NTM: variants seen among roughly 807,000 people sequenced by gnomAD.
NTM encodes IgLON family member 2.
NTM carries 13 observed loss-of-function variants against 42.1 expected under a neutral mutation model. That is an observed-to-expected ratio of 0.31 (90% CI 0.20 to 0.49). NTM has a LOEUF of 0.49. NTM is among the 20% of genes least tolerant of loss of function. NTM has a pLI of 0.99. For synonymous variants in NTM, 187 were observed against 179.2 expected, an observed-to-expected ratio of 1.04 and a Z score of -0.35; for missense variants, 373 against 452.8, an observed-to-expected ratio of 0.82 and a Z score of 1.60.
At chr11:132,016,162 T>G (rs934500481) in intron 2 of NTM, among the ~76,000 whole-genome samples, 1 of 151,868 alleles carries the variant, frequency 6.6e-6, no homozygotes, top group Non-Finnish European at 1.5e-5. Context: ...ATTATTGAAA[T>G]GATCATATGG....
intron 1 of NTM, among the ~76,000 whole-genome samples, chr11:131,665,351 T>C (rs1025941614): frequency 6.6e-6 from 1 of 152,232 alleles, no homozygotes; most frequent in Non-Finnish European, 1.5e-5. Flanking sequence ...GCTTTGTCCA[T>C]ACTGTTTGGT....
chr11:132,135,660 GC>G (rs2067756141), intron 2 of NTM, among the ~76,000 whole-genome samples: 1 of 152,182 alleles, frequency 6.6e-6, no homozygotes, highest in African/African-American at 2.4e-5. Context: ...GGCACTTGTG[GC>G]TGTCTGTGGA....
At chr11:131,866,295 A>AAAAG (rs1288796949) in intron 1 of NTM, among the ~76,000 whole-genome samples, 1 of 87,100 alleles carries the variant, frequency 1.1e-5, no homozygotes, top group African/African-American at 4.8e-5. Context: ...ATAAATAAAA[A>AAAAG]ACAAAGCAAA....
At position 131,944,229 on chromosome 11, in the gene NTM, C is replaced by T. The variant is rs192458658; in HGVS notation, c.167+32581C>T. On this transcript the variant is annotated intron_variant, in intron 2 of 8. Coordinates refer to ENST00000683400, the MANE Select transcript of NTM (RefSeq NM_001352005.2). The stretch of plus-strand genomic sequence containing the variant: ...GAAATACTAGGTACAGAGTAAAATT[C>T]TCCATTTGTTAAAATCAGACACTGA... 6.6e-5 allele frequency among the ~76,000 whole-genome samples: 10 copies of T among 152,320 alleles called. 1 individual carries two copies. In the East Asian group the frequency reaches 1.7e-3, roughly 26 times the overall value.
intron 1 of NTM, among the ~76,000 whole-genome samples, chr11:131,497,042 G>C (rs1445752139): frequency 6.6e-6 from 1 of 152,150 alleles, no homozygotes; most frequent in East Asian, 1.9e-4. Context: ...TTGCTTCACA[G>C]TGAGGCTGTT....
chr11:132,000,193 T>G (rs1324301085), intron 2 of NTM, among the ~76,000 whole-genome samples: 2 of 152,146 alleles, frequency 1.3e-5, no homozygotes, highest in Admixed American at 1.3e-4. Flanking sequence ...GCCTTTCCCA[T>G]TGTCTTTCTC....
chr11:131,664,178 G>A (rs1007712420), intron 1 of NTM, among the ~76,000 whole-genome samples: 1 of 152,210 alleles, frequency 6.6e-6, no homozygotes, highest in African/African-American at 2.4e-5. Context: ...CCAGTTTGAG[G>A]CCTGCATCTG....
intron 1 of NTM, among the ~76,000 whole-genome samples, chr11:131,485,830 A>T (rs1283993684): frequency 6.6e-6 from 1 of 152,132 alleles, no homozygotes; most frequent in Non-Finnish European, 1.5e-5. Flanking sequence ...CCAGTGTTGA[A>T]TGCAGCCTCA....
chr11:132,030,400 G>A (rs555643108), intron 2 of NTM, among the ~76,000 whole-genome samples: 100 of 152,300 alleles, frequency 6.6e-4, no homozygotes, highest in African/African-American at 2.2e-3. Context: ...TAGGGAGAAT[G>A]GAGCCTATTA....
chr11:131,866,845 ATC>A (rs1429223117), intron 1 of NTM, among the ~76,000 whole-genome samples: 1 of 152,232 alleles, frequency 6.6e-6, no homozygotes, highest in Non-Finnish European at 1.5e-5. Flanking sequence ...TAAAAATAAA[ATC>A]TGTTTGAACC....
In NTM at chr11:131,397,787, C is replaced by T. The variant is rs565062688; in HGVS notation, c.82+26899C>T. Among the ~76,000 whole-genome samples, 27 of 152,246 alleles carry T rather than the reference C, an allele frequency of 1.8e-4. 1 individual carries two copies. The South Asian group carries it at 3.3e-3, about 19-fold the overall frequency. ...TGCCTTCTCTTTTCCAGTCTTTGTA[C>T]GTGTCCCCAGTTCTTACAGGGACAG... On this transcript the variant is annotated intron_variant, in intron 1 of 8. Transcript: ENST00000683400.
At chr11:131,779,407 C>A (rs2087650174) in intron 1 of NTM, among the ~76,000 whole-genome samples, 1 of 152,044 alleles carries the variant, frequency 6.6e-6, no homozygotes, top group African/African-American at 2.4e-5. Context: ...CATTTCCAAT[C>A]AATATTCAAC....
chr11:131,747,833 C>T (rs1012885571), intron 1 of NTM, among the ~76,000 whole-genome samples: 3 of 152,120 alleles, frequency 2.0e-5, no homozygotes, highest in Non-Finnish European at 4.4e-5. Context: ...CATAGAATCC[C>T]CTCCCCGTGT....
At chr11:132,113,111 G>T (rs747490957) in intron 2 of NTM, among the ~76,000 whole-genome samples, 1 of 152,062 alleles carries the variant, frequency 6.6e-6, no homozygotes, top group African/African-American at 2.4e-5. Flanking sequence ...TTATTTTTCC[G>T]TACATGCATA....
chr11:131,577,124 T>A (rs1276487404), intron 1 of NTM, among the ~76,000 whole-genome samples: 1 of 152,222 alleles, frequency 6.6e-6, no homozygotes, highest in East Asian at 1.9e-4. Flanking sequence ...TTTAACCTCC[T>A]TTTAGCATCA....
At chr11:132,242,832 T>C (rs2090451321) in intron 4 of NTM, among the ~76,000 whole-genome samples, 1 of 152,208 alleles carries the variant, frequency 6.6e-6, no homozygotes, top group African/African-American at 2.4e-5. Flanking sequence ...CAACATCAGG[T>C]TGTTTCAGCT....
chr11:132,017,719 G>T (rs1185186093), intron 2 of NTM, among the ~76,000 whole-genome samples: 1 of 151,930 alleles, frequency 6.6e-6, no homozygotes, highest in Non-Finnish European at 1.5e-5. Context: ...ATTGCATTTA[G>T]TTTATAGATC....
At chr11:132,292,816 A>G (rs2094495303) in intron 4 of NTM, among the ~76,000 whole-genome samples, 1 of 145,898 alleles carries the variant, frequency 6.9e-6, no homozygotes, top group South Asian at 2.2e-4. Flanking sequence ...AAAAAAAACT[A>G]AAAAATGTTG....
chr11:131,437,746 C>T (rs956270842), intron 1 of NTM, among the ~76,000 whole-genome samples: 3 of 152,122 alleles, frequency 2.0e-5, no homozygotes, highest in African/African-American at 7.2e-5. Flanking sequence ...TCCAATTTGC[C>T]AGTGTGTGCC....
Sources: allele counts gnomAD v4.1 joint callset (sites outside exome capture counted in the v4.1 genomes callset), GRCh38; gene constraint gnomAD v4.1.1; transcripts MANE v1.5; gene names NCBI Gene and HGNC (gene_info 2026-07-23, HGNC 2026-07-21).